Variants in SNF8 observed in about 807,000 individuals in gnomAD.
SNF8 encodes the protein SNF8 subunit of ESCRT-II.
A neutral mutation model predicts 36.8 loss-of-function variants in SNF8; 19 were observed. The observed-to-expected ratio is 0.52, with a 90% CI of 0.36 to 0.76. The LOEUF (loss-of-function observed/expected upper bound fraction) is 0.76, where lower values mean the gene tolerates loss of function less well. Ranked by LOEUF, SNF8 falls within the 30% of genes least tolerant of loss-of-function variation. SNF8 has a pLI of 0.00. For missense variants in SNF8, 268 were observed against 322.9 expected (o/e 0.83, Z 1.30); for synonymous variants, 127 against 127.4 (o/e 1.00, Z 0.02).
At chr17:48,931,745 T>A in intron 6 of SNF8, 28 bp from the exon 7 acceptor site, 2 of 1,593,936 alleles carry the variant, frequency 1.3e-6, no homozygotes, top group Non-Finnish European at 1.7e-6. Context: ...GGGGATTGAA[T>A]CAGTTAAGAG....
intron 2 of SNF8, among the ~76,000 whole-genome samples, chr17:48,943,314 A>G (rs1201287078): frequency 6.6e-6 from 1 of 152,166 alleles, no homozygotes; most frequent in Non-Finnish European, 1.5e-5. Context: ...TACAAAAAAA[A>G]ATAACAAAAA....
Position 48,936,261 on chromosome 17 carries a change from C to A in SNF8, c.350-19G>T, listed in dbSNP as rs763052995. 2 of 1,593,114 alleles carry A rather than the reference C, an allele frequency of 1.3e-6. No homozygotes were observed. The highest frequency in any genetic ancestry group is 1.7e-6 in the Non-Finnish European group (2 of 1,161,352). Reference sequence around the variant, plus strand: ...ATCAGACCTGTTTGGAGACAGGGAACAGAAATCAGAAAAAGAGATTACCCA... The same window carrying A: ...ATCAGACCTGTTTGGAGACAGGGAAAAGAAATCAGAAAAAGAGATTACCCA... On this transcript the variant is annotated intron_variant, in intron 4 of 7. Transcript: ENST00000502492.
intron 2 of SNF8, among the ~76,000 whole-genome samples, chr17:48,941,895 GGGCCA>G (rs2041032423): frequency 6.6e-6 from 1 of 151,792 alleles, no homozygotes; most frequent in Non-Finnish European, 1.5e-5. Flanking sequence ...TTCATCATGT[GGGCCA>G]GGCTGGTCTC....
chr17:48,939,997 C>T (rs2040995929), intron 3 of SNF8, among the ~76,000 whole-genome samples: 1 of 148,870 alleles, frequency 6.7e-6, no homozygotes, highest in South Asian at 2.1e-4. Flanking sequence ...ATTGCTTCAA[C>T]CTGGGAGGCA....
chr17:48,940,908 A>G lies in SNF8; in HGVS notation c.244+16T>C. 1 of 1,611,258 alleles carries G rather than the reference A, an allele frequency of 6.2e-7. No homozygotes were observed. Among genetic ancestry groups the G allele is most frequent in the Non-Finnish European group, 8.5e-7 (1 of 1,179,246 alleles). ...TACTCTATAAGAACGCTGGACCCCT[A>G]CAGACAACTTCTTACAGGCCAGCGG... On this transcript the variant is annotated intron_variant, in intron 3 of 7. Coordinates refer to ENST00000502492, the MANE Select transcript of SNF8 (RefSeq NM_007241.4).
Position 48,944,793 on chromosome 17 carries a change from A to G in SNF8, c.-59T>C. 2.0e-6 allele frequency: 3 copies of G among 1,507,810 alleles called. No individual in the cohort carries two copies. The South Asian group carries it at 3.8e-5, about 19-fold the overall frequency. 93.4% of individuals were successfully genotyped at this position (1,507,810 alleles called of 1,614,324 possible). A position where few individuals can be genotyped will look rare whatever the true frequency, so the allele number is the denominator to read the frequency against. On this transcript the variant is annotated 5_prime_UTR_variant, in exon 1 of 8. Coordinates refer to ENST00000502492, the MANE Select transcript of SNF8 (RefSeq NM_007241.4). ...GGGACCCCGGGTCTCCACGTCCCGGACTCCGCCGCCGGCTCCCCAAGGCGG... is the reference window on the plus strand; with the variant it reads ...GGGACCCCGGGTCTCCACGTCCCGGGCTCCGCCGCCGGCTCCCCAAGGCGG...
At chr17:48,938,700 T>G (rs2040975477) in intron 3 of SNF8, among the ~76,000 whole-genome samples, 1 of 151,640 alleles carries the variant, frequency 6.6e-6, no homozygotes, top group African/African-American at 2.4e-5. Flanking sequence ...AAACCCTGTC[T>G]CTACTAATCA....
intron 3 of SNF8, among the ~76,000 whole-genome samples, 153 bp downstream of exon 3, chr17:48,940,771 C>T (rs2041010537): frequency 2.0e-5 from 3 of 152,166 alleles, no homozygotes; most frequent in Admixed American, 2.0e-4. Flanking sequence ...GCCTGGGCGA[C>T]AGAGCAAAAC....
Position 48,929,332 on chromosome 17 carries a change from A to T in SNF8, c.*1143T>A, listed in dbSNP as rs1402419959. 1 of 152,192 alleles carries T rather than the reference A, an allele frequency of 6.6e-6. No individual in the cohort carries two copies. The highest frequency in any genetic ancestry group is 2.4e-5 in the African/African-American group (1 of 41,440). 9.4% of individuals were successfully genotyped at this position (152,192 alleles called of 1,614,324 possible). Reference sequence around the variant, plus strand: ...CAGACCTATTCCAGAGCTTGGAGTGAGCATGTCCTACAAGGATAGGCAGAG... The same window carrying T: ...CAGACCTATTCCAGAGCTTGGAGTGTGCATGTCCTACAAGGATAGGCAGAG... On this transcript the variant is annotated 3_prime_UTR_variant, in exon 8 of 8. Coordinates refer to ENST00000502492, the MANE Select transcript of SNF8 (RefSeq NM_007241.4).
chr17:48,935,802 T>G, intron 5 of SNF8: 1 of 167,506 alleles, frequency 6.0e-6, no homozygotes, highest in Admixed American at 6.1e-5. Flanking sequence ...ATAATGGTTT[T>G]TGTTTCCTTT....
intron 5 of SNF8, chr17:48,935,930 G>A: frequency 2.6e-6 from 1 of 384,744 alleles, no homozygotes; most frequent in Non-Finnish European, 4.8e-6. Context: ...GTTTGAGGCT[G>A]CAGTAAGCAA....
intron 3 of SNF8, among the ~76,000 whole-genome samples, chr17:48,939,475 G>C (rs12232531): frequency 7.5e-6 from 1 of 132,488 alleles, no homozygotes; most frequent in Non-Finnish European, 1.6e-5. Context: ...TTTTTTTTTT[G>C]GGGGGATGGA....
chr17:48,936,262 A>T lies in SNF8; in HGVS notation c.350-20T>A. The T allele has an allele frequency of 6.3e-7, 1 of 1,595,314 alleles. No homozygotes were observed. The highest frequency in any genetic ancestry group is 8.6e-7 in the Non-Finnish European group (1 of 1,162,998). On this transcript the variant is annotated intron_variant, in intron 4 of 7. Coordinates refer to ENST00000502492, the MANE Select transcript of SNF8 (RefSeq NM_007241.4). The stretch of plus-strand genomic sequence containing the variant: ...TCAGACCTGTTTGGAGACAGGGAAC[A>T]GAAATCAGAAAAAGAGATTACCCAC...
Position 48,944,746 on chromosome 17 carries a change from G to T in SNF8, c.-12C>A. ...CCGCGGCGGTGCATCCCCACCCTGG[G>T]CCCGCGGGCCGCCCGGCTGCCGGGA... On this transcript the variant is annotated 5_prime_UTR_variant, in exon 1 of 8. Coordinates refer to ENST00000502492, the MANE Select transcript of SNF8 (RefSeq NM_007241.4). 2 of 1,595,088 alleles carry T rather than the reference G, an allele frequency of 1.3e-6. No individual in the cohort carries two copies. The highest frequency in any genetic ancestry group is 1.1e-5 in the South Asian group (1 of 89,708).
At chr17:48,938,891 G>GT (rs1491214684) in intron 3 of SNF8, among the ~76,000 whole-genome samples, 2 of 142,968 alleles carry the variant, frequency 1.4e-5, no homozygotes, top group Non-Finnish European at 2.9e-5. Context: ...AAAAAAAGCA[G>GT]TAAATTATAT....
chr17:48,933,173 GCA>G (rs111817490), intron 6 of SNF8, 30 bp downstream of exon 6: 46 of 1,600,726 alleles, frequency 2.9e-5, no homozygotes, highest in Middle Eastern at 4.2e-4. Context: ...ACTGTCCCTT[GCA>G]CACACACACA....
intron 4 of SNF8, chr17:48,936,797 C>T (rs918175778): frequency 2.2e-5 from 13 of 584,252 alleles, no homozygotes; most frequent in African/African-American, 2.1e-4. Flanking sequence ...AGGGACTAGA[C>T]CTTCCTGGCC....
Position 48,941,033 on chromosome 17 carries a change from G to T in SNF8, c.135C>A (p.Thr45=). Reference sequence around the variant, plus strand: ...GTTTGCTGGCAAATTCCTCCAGGTTGGTCTTGAACATGTCCAACTGCTTTG... The same window carrying T: ...GTTTGCTGGCAAATTCCTCCAGGTTTGTCTTGAACATGTCCAACTGCTTTG... ...QMSKQLDMFK[T]NLEEFASKHK... The change falls in exon 3 of 8, where the codon ACC becomes ACA. Residue 45 remains threonine, a synonymous_variant. Coordinates refer to ENST00000502492, the MANE Select transcript of SNF8 (RefSeq NM_007241.4). 6.2e-7 allele frequency: 1 copy of T among 1,613,878 alleles called. No individual in the cohort carries two copies. The highest frequency in any genetic ancestry group is 8.5e-7 in the Non-Finnish European group (1 of 1,179,996).
At chr17:48,933,023 C>T in intron 6 of SNF8, 182 bp downstream of exon 6, 1 of 573,512 alleles carries the variant, frequency 1.7e-6, no homozygotes, top group Non-Finnish European at 3.0e-6. Flanking sequence ...CAGCCTGGCC[C>T]AGTGCTTTGC....
Sources: gnomAD v4.1 joint callset for allele counts (sites outside exome capture counted in the v4.1 genomes callset) on GRCh38, gnomAD v4.1.1 for gene constraint, MANE v1.5 for transcripts, NCBI Gene and HGNC (gene_info 2026-07-23, HGNC 2026-07-21) for gene names.